ADAMTS3: variants seen among roughly 807,000 people sequenced by gnomAD.
ADAMTS3 encodes the protein A disintegrin and metalloproteinase with thrombospondin motifs 3.
ADAMTS3 carries 73 observed loss-of-function variants against 129.0 expected under a neutral mutation model. The observed-to-expected ratio is 0.57, with a 90% CI of 0.47 to 0.69. The LOEUF (loss-of-function observed/expected upper bound fraction) is 0.69. Ranked by LOEUF, ADAMTS3 falls within the 30% of genes least tolerant of loss-of-function variation. The pLI is 0.00. For synonymous variants in ADAMTS3, 477 were observed against 510.8 expected (o/e 0.93, Z 0.89); for missense variants, 1,457 against 1,514.5 (o/e 0.96, Z 0.63).
chr4:72,299,364 AG>A (rs1179927206), intron 17 of ADAMTS3, among the ~76,000 whole-genome samples: 2 of 151,276 alleles, frequency 1.3e-5, no homozygotes, highest in African/African-American at 4.9e-5. Flanking sequence ...TACAAAAAAA[AG>A]TTAAAAAAAG....
chr4:72,568,040 A>C (rs1254168828), intron 1 of ADAMTS3: 3 of 152,940 alleles, frequency 2.0e-5, no homozygotes, highest in African/African-American at 7.2e-5. Flanking sequence ...AAAGAGGAGG[A>C]GTTGTGCAGA....
In ADAMTS3 at chr4:72,320,882, C is replaced by G; in HGVS notation, c.946-12G>C. On this transcript the variant is annotated splice_polypyrimidine_tract_variant and intron_variant, in intron 6 of 21. Transcript: ENST00000286657. ...ATGAGGCTGATGGACTAAGTGAAAA[C>G]AATATGTTAAAGACACACCTGACAA... is the stretch of plus-strand genomic sequence containing the variant. The G allele has an allele frequency of 6.2e-7, 1 of 1,612,018 alleles. No homozygotes were observed. Among genetic ancestry groups the G allele is most frequent in the African/African-American group, 1.3e-5 (1 of 74,886 alleles).
intron 4 of ADAMTS3, among the ~76,000 whole-genome samples, chr4:72,413,606 G>A (rs1237730680): frequency 6.6e-6 from 1 of 151,814 alleles, no homozygotes; most frequent in Admixed American, 6.6e-5. Flanking sequence ...ACCTATTTTT[G>A]TTGAATACTA....
rs79193600 is a variant in ADAMTS3 at position 72,354,051 on chromosome 4, T to A, written c.662-14358A>T. On this transcript the variant is annotated intron_variant, in intron 4 of 21. Transcript: ENST00000286657. ...GTATTCAGAAAGTGTACCAAAGGCA[T>A]TGGATGTGGATAAGACGGGATAAGA... Among the ~76,000 whole-genome samples, 785 of 152,106 alleles carry A rather than the reference T, an allele frequency of 5.2e-3. 1 individual carries two copies. The highest frequency in any genetic ancestry group is 0.018 in the African/African-American group (745 of 41,520).
intron 3 of ADAMTS3, among the ~76,000 whole-genome samples, chr4:72,547,125 A>C (rs775556590): frequency 2.6e-5 from 4 of 152,196 alleles, no homozygotes; most frequent in Non-Finnish European, 5.9e-5. Context: ...CTAAAGAAGT[A>C]GAGCATTTTT....
At position 72,569,008 on chromosome 4, in the gene ADAMTS3, G is replaced by A. The variant is rs972243903; in HGVS notation, c.-246C>T. The A allele has an allele frequency of 1.8e-6, 1 of 563,628 alleles. No individual in the cohort carries two copies. Among genetic ancestry groups the A allele is most frequent in the Non-Finnish European group, 3.2e-6 (1 of 316,280 alleles). The allele number at this position is 563,628 out of a possible 1,614,324, so 34.9% of individuals were successfully genotyped here. A position where few individuals can be genotyped will look rare whatever the true frequency, so the allele number is the denominator to read the frequency against. On this transcript the variant is annotated 5_prime_UTR_variant, in exon 1 of 22. Coordinates refer to ENST00000286657, the MANE Select transcript of ADAMTS3 (RefSeq NM_014243.3). ...CGTCCTCCCAACACAGAGTGTGCAG[G>A]AGCGAGAAGGTGCTGTAAGCGGGCA...
intron 4 of ADAMTS3, 148 bp from the exon 5 acceptor site, chr4:72,339,841 C>A (rs139701036): frequency 1.5e-6 from 1 of 654,826 alleles, no homozygotes; most frequent in African/African-American, 1.8e-5. Flanking sequence ...TTAAATAATA[C>A]GCATATGCAT....
At chr4:72,339,348 T>C (rs1234763519) in intron 5 of ADAMTS3, 146 bp downstream of exon 5, 4 of 737,616 alleles carry the variant, frequency 5.4e-6, no homozygotes, top group South Asian at 1.7e-5. Context: ...ACTTTAAATA[T>C]GTAGATCAAT....
At chr4:72,467,728 C>A (rs1453968722) in intron 3 of ADAMTS3, among the ~76,000 whole-genome samples, 1 of 152,040 alleles carries the variant, frequency 6.6e-6, no homozygotes, top group African/African-American at 2.4e-5. Flanking sequence ...AGTTACCACC[C>A]TTTTAAGTGA....
In ADAMTS3 at chr4:72,288,906, C is replaced by T. The variant is rs747147249; in HGVS notation, c.2932-38G>A. On this transcript the variant is annotated intron_variant, in intron 20 of 21. Coordinates refer to ENST00000286657, the MANE Select transcript of ADAMTS3 (RefSeq NM_014243.3). ...AGGCTGTGGTTACAGACATTTATTGCACCAAGACCATGCACATACACACAC... is the reference window on the plus strand; with the variant it reads ...AGGCTGTGGTTACAGACATTTATTGTACCAAGACCATGCACATACACACAC... 5.8e-6 allele frequency: 6 copies of T among 1,030,788 alleles called. No individual in the cohort carries two copies. The East Asian group carries it at 1.6e-4, about 27-fold the overall frequency. The allele number at this position is 1,030,788 out of a possible 1,614,324, so 63.9% of individuals were successfully genotyped here.
At chr4:72,430,607 T>C (rs1722673446) in intron 3 of ADAMTS3, among the ~76,000 whole-genome samples, 2 of 151,936 alleles carry the variant, frequency 1.3e-5, no homozygotes, top group Admixed American at 1.3e-4. Flanking sequence ...ACATACAAAA[T>C]CCATGAACAT....
chr4:72,395,507 T>C (rs1228650681), intron 4 of ADAMTS3, among the ~76,000 whole-genome samples: 3 of 152,144 alleles, frequency 2.0e-5, no homozygotes, highest in Non-Finnish European at 4.4e-5. Context: ...ACTATGGAAG[T>C]ACCAGGCAAT....
intron 3 of ADAMTS3, among the ~76,000 whole-genome samples, chr4:72,537,607 C>T (rs1428604240): frequency 2.0e-5 from 3 of 151,672 alleles, no homozygotes; most frequent in Admixed American, 1.3e-4. Flanking sequence ...CAACTACAAA[C>T]AAATAAACAA....
rs1719219323 is a variant in ADAMTS3, at chr4:72,311,037, T to C, written c.2055+11A>G. The C allele has an allele frequency of 6.3e-7, 1 of 1,578,170 alleles. No homozygotes were observed. Among genetic ancestry groups the C allele is most frequent in the South Asian group, 1.2e-5 (1 of 85,308 alleles). On this transcript the variant is annotated intron_variant, in intron 14 of 21. Transcript: ENST00000286657. Reference sequence around the variant, plus strand: ...ACGTAGAAAGCCTTTGGGGAAGCAATTTGAACTTACCACACACTCTCCTCG... The same window carrying C: ...ACGTAGAAAGCCTTTGGGGAAGCAACTTGAACTTACCACACACTCTCCTCG...
At chr4:72,284,971 C>T (rs1010664245) in intron 21 of ADAMTS3, among the ~76,000 whole-genome samples, 1 of 152,174 alleles carries the variant, frequency 6.6e-6, no homozygotes, top group African/African-American at 2.4e-5. Flanking sequence ...AACACAGAAA[C>T]ACTGATCCAT....
chr4:72,423,547 TTTC>T (rs1195050526), intron 3 of ADAMTS3, among the ~76,000 whole-genome samples: 3 of 152,142 alleles, frequency 2.0e-5, no homozygotes, highest in African/African-American at 7.2e-5. Context: ...CAGATTTTTT[TTTC>T]TTTTTTTTCT....
chr4:72,508,598 T>C (rs890921483), intron 3 of ADAMTS3, among the ~76,000 whole-genome samples: 1 of 152,102 alleles, frequency 6.6e-6, no homozygotes, highest in Non-Finnish European at 1.5e-5. Flanking sequence ...GCTGATTCAA[T>C]CATAAACAAG....
chr4:72,497,019 C>T (rs757604060), intron 3 of ADAMTS3, among the ~76,000 whole-genome samples: 15 of 151,924 alleles, frequency 9.9e-5, no homozygotes, highest in Non-Finnish European at 1.8e-4. Flanking sequence ...GGTGTCATTC[C>T]AGGTCCCCCC....
intron 3 of ADAMTS3, among the ~76,000 whole-genome samples, chr4:72,493,337 T>G (rs760495546): frequency 2.7e-4 from 41 of 152,008 alleles, no homozygotes; most frequent in Non-Finnish European, 4.9e-4. Flanking sequence ...TTATTCTATT[T>G]TTGTAGTGAT....
Sources: gnomAD v4.1 joint callset for allele counts (sites outside exome capture counted in the v4.1 genomes callset) on GRCh38, gnomAD v4.1.1 for gene constraint, MANE v1.5 for transcripts, NCBI Gene and HGNC (gene_info 2026-07-23, HGNC 2026-07-21) for gene names.